SPAG16: variants seen among roughly 807,000 people sequenced by gnomAD.
SPAG16 encodes sperm-associated antigen 16 protein.
Under a neutral mutation model 80.4 loss-of-function variants are expected in SPAG16, and 86 were observed. The observed-to-expected ratio is 1.07, with a 90% CI of 0.90 to 1.28. The LOEUF is 1.28. Among genes scored for constraint, SPAG16 ranks in the 50% most tolerant of loss-of-function variants. SPAG16 has a pLI of 0.00. For synonymous variants in SPAG16, 294 were observed against 265.9 expected (o/e 1.11, Z -1.03); for missense variants, 870 against 765.3 (o/e 1.14, Z -1.61).
chr2:214,228,803 A>G (rs1231588552), intron 15 of SPAG16, among the ~76,000 whole-genome samples: 1 of 151,920 alleles, frequency 6.6e-6, no homozygotes, highest in Non-Finnish European at 1.5e-5. Flanking sequence ...AAGACAAAGT[A>G]TTATCACAAT....
intron 10 of SPAG16, among the ~76,000 whole-genome samples, chr2:213,512,502 T>C (rs559968268): frequency 6.6e-6 from 1 of 152,292 alleles, no homozygotes; most frequent in Admixed American, 6.5e-5. Context: ...GATTGAGAAC[T>C]ATTGATTCAC....
At chr2:213,409,960 C>T (rs570436477) in intron 9 of SPAG16, among the ~76,000 whole-genome samples, 7 of 152,126 alleles carry the variant, frequency 4.6e-5, no homozygotes, top group East Asian at 3.9e-4. Context: ...CTAGAATTTC[C>T]GGTAAACGGG....
At chr2:213,376,606 T>G (rs1025051388) in intron 9 of SPAG16, among the ~76,000 whole-genome samples, 3 of 152,074 alleles carry the variant, frequency 2.0e-5, no homozygotes, top group African/African-American at 7.2e-5. Flanking sequence ...TTCTATTTTT[T>G]TAATAATTCA....
chr2:213,333,044 A>T (rs1326325427), intron 5 of SPAG16, among the ~76,000 whole-genome samples: 1 of 152,118 alleles, frequency 6.6e-6, no homozygotes, highest in Non-Finnish European at 1.5e-5. Context: ...AATAAATGGC[A>T]TATAATTGGA....
chr2:214,224,080 C>T (rs1372109231), intron 15 of SPAG16, among the ~76,000 whole-genome samples: 2 of 152,134 alleles, frequency 1.3e-5, no homozygotes, highest in African/African-American at 2.4e-5. Flanking sequence ...CTGTAGTCTC[C>T]TTGGCCCCAG....
At chr2:213,715,950 G>A (rs1206082159) in intron 10 of SPAG16, among the ~76,000 whole-genome samples, 1 of 151,888 alleles carries the variant, frequency 6.6e-6, no homozygotes, top group South Asian at 2.1e-4. Context: ...AAACCACACA[G>A]TGCACTATTG....
At chr2:213,833,500 TA>T (rs1559506092) in intron 10 of SPAG16, among the ~76,000 whole-genome samples, 2 of 4,416 alleles carry the variant, frequency 4.5e-4, no homozygotes, top group African/African-American at 9.8e-4. Flanking sequence ...ATATAATATA[TA>T]TATTATATAT....
At chr2:213,954,851 G>A (rs887675406) in intron 12 of SPAG16, among the ~76,000 whole-genome samples, 2 of 152,054 alleles carry the variant, frequency 1.3e-5, no homozygotes, top group African/African-American at 2.4e-5. Flanking sequence ...GATTATTATA[G>A]CTGTCTTAGT....
intron 10 of SPAG16, among the ~76,000 whole-genome samples, chr2:213,732,174 C>G (rs550198458): frequency 1.3e-5 from 2 of 152,160 alleles, no homozygotes; most frequent in Admixed American, 6.5e-5. Flanking sequence ...AATAGGGAAT[C>G]CTTTTCCCAT....
intron 10 of SPAG16, among the ~76,000 whole-genome samples, chr2:213,706,952 C>A (rs926088470): frequency 1.6e-4 from 25 of 152,174 alleles, no homozygotes; most frequent in African/African-American, 5.6e-4. Flanking sequence ...AGTGTCCTCA[C>A]AACAAGGTGG....
chr2:213,864,379 A>G (rs2075602112), intron 11 of SPAG16, among the ~76,000 whole-genome samples: 1 of 152,112 alleles, frequency 6.6e-6, no homozygotes, highest in Admixed American at 6.5e-5. Context: ...ATCTCATGGT[A>G]TACTTCATCT....
intron 10 of SPAG16, among the ~76,000 whole-genome samples, chr2:213,774,991 T>A (rs1346298110): frequency 6.6e-6 from 1 of 152,164 alleles, no homozygotes; most frequent in Non-Finnish European, 1.5e-5. Flanking sequence ...GTTGGATCTG[T>A]CTCGGCACTA....
At chr2:213,849,827 C>A (rs1465698415) in intron 10 of SPAG16, among the ~76,000 whole-genome samples, 2 of 152,152 alleles carry the variant, frequency 1.3e-5, no homozygotes, top group East Asian at 3.9e-4. Context: ...ATTTTACATT[C>A]ATAACAACAC....
At chr2:213,821,523 A>G (rs2072933390) in intron 10 of SPAG16, among the ~76,000 whole-genome samples, 2 of 152,152 alleles carry the variant, frequency 1.3e-5, no homozygotes, top group Admixed American at 6.6e-5. Context: ...TGGGGTATCC[A>G]TTCTTTCAAG....
intron 8 of SPAG16, among the ~76,000 whole-genome samples, chr2:213,370,418 A>G (rs923301815): frequency 2.0e-5 from 3 of 152,172 alleles, no homozygotes; most frequent in African/African-American, 4.8e-5. Context: ...TTTATTGCAT[A>G]TTTTACAAAG....
intron 10 of SPAG16, among the ~76,000 whole-genome samples, chr2:213,736,698 T>A (rs2067296679): frequency 8.8e-6 from 1 of 114,272 alleles, no homozygotes; most frequent in Admixed American, 1.3e-4. Context: ...TGCATATATT[T>A]TTAAATAATT....
chr2:214,269,368 T>G (rs570032354), intron 15 of SPAG16, among the ~76,000 whole-genome samples: 2 of 152,176 alleles, frequency 1.3e-5, no homozygotes, highest in African/African-American at 4.8e-5. Context: ...AAATGATTTC[T>G]TTTGATCTTT....
At chr2:213,573,913 A>G (rs2060019403) in intron 10 of SPAG16, among the ~76,000 whole-genome samples, 1 of 152,176 alleles carries the variant, frequency 6.6e-6, no homozygotes, top group Admixed American at 6.5e-5. Flanking sequence ...TTTAATGTGC[A>G]TACTTGTCCC....
chr2:213,404,240 G>A (rs1451424103), intron 9 of SPAG16, among the ~76,000 whole-genome samples: 1 of 152,220 alleles, frequency 6.6e-6, no homozygotes, highest in African/African-American at 2.4e-5. Context: ...ACAAGAGCCC[G>A]CATTGCCAAG....
Sources: allele counts gnomAD v4.1 joint callset (sites outside exome capture counted in the v4.1 genomes callset), GRCh38; gene constraint gnomAD v4.1.1; transcripts MANE v1.5; gene names NCBI Gene and HGNC (gene_info 2026-07-23, HGNC 2026-07-21).